Variants in PRDM16 observed in about 807,000 individuals in gnomAD.
PRDM16 encodes the protein histone-lysine N-methyltransferase PRDM16.
PRDM16 carries 23 observed loss-of-function variants against 110.6 expected under a neutral mutation model. The observed-to-expected ratio is 0.21, with a 90% CI of 0.15 to 0.29. PRDM16 has a LOEUF of 0.29. Ranked by LOEUF, PRDM16 falls within the 10% of genes least tolerant of loss-of-function variation. The pLI is 1.00. For missense variants in PRDM16, 1,615 were observed against 1,794.3 expected (o/e 0.90, Z 1.81); for synonymous variants, 799 against 781.8 (o/e 1.02, Z -0.37).
intron 2 of PRDM16, among the ~76,000 whole-genome samples, chr1:3,194,626 C>CGCCACCGTCTCCCCGCCACAT (rs1638411168): frequency 1.4e-5 from 2 of 143,016 alleles, no homozygotes; most frequent in African/African-American, 5.4e-5. Context: ...CCCCACCACA[C>CGCCACCGTCTCCCCGCCACAT]GCCACCGTCT....
chr1:3,161,254 AACAC>A (rs139952356), intron 1 of PRDM16, among the ~76,000 whole-genome samples: 2,108 of 152,250 alleles, frequency 0.014, 49 homozygotes, highest in African/African-American at 0.048. Context: ...CTCACCAGCA[AACAC>A]ACACACACAA....
chr1:3,313,580 T>C (rs1053445654), intron 3 of PRDM16, among the ~76,000 whole-genome samples: 4 of 152,232 alleles, frequency 2.6e-5, no homozygotes, highest in Non-Finnish European at 4.4e-5. Flanking sequence ...CCTTTGGGCC[T>C]GCTCAAGAGT....
chr1:3,164,000 G>C (rs1008373808), intron 1 of PRDM16, among the ~76,000 whole-genome samples: 3 of 152,206 alleles, frequency 2.0e-5, no homozygotes, highest in Non-Finnish European at 4.4e-5. Context: ...CTGCCACCAA[G>C]GCCCTGCTGG....
chr1:3,140,797 G>A (rs953846662), intron 1 of PRDM16, among the ~76,000 whole-genome samples: 25 of 152,338 alleles, frequency 1.6e-4, no homozygotes, highest in East Asian at 5.8e-4. Flanking sequence ...TCCCGCCTCC[G>A]TTTCCGCATC....
rs1024843817 is a variant in PRDM16, at chr1:3,190,062, C to T, written c.387+3588C>T. 6.6e-6 allele frequency among the ~76,000 whole-genome samples: 1 copy of T among 152,124 alleles called. No homozygotes were observed. Among genetic ancestry groups the T allele is most frequent in the African/African-American group, 2.4e-5 (1 of 41,430 alleles). ...TGACTGGGGAGGGTCAGGGGCTCTT[C>T]TCTCCCTGACATGGGGCCGATGTAG... On this transcript the variant is annotated intron_variant, in intron 2 of 16. Transcript: ENST00000270722. The surrounding 1 kb of genome is among the most constrained non-coding windows in gnomAD (Gnocchi z 5.0).
chr1:3,077,742 C>T (rs937122915), intron 1 of PRDM16, among the ~76,000 whole-genome samples: 3 of 152,118 alleles, frequency 2.0e-5, no homozygotes, highest in Non-Finnish European at 4.4e-5. Flanking sequence ...GTGCAGGCTG[C>T]AGGTGCTCAC....
intron 2 of PRDM16, among the ~76,000 whole-genome samples, chr1:3,217,639 C>CA (rs1368286773): frequency 6.6e-6 from 1 of 152,210 alleles, no homozygotes; most frequent in Non-Finnish European, 1.5e-5. Context: ...TGGCTGAGTG[C>CA]ACGCTGTCCA....
chr1:3,412,602 C>A lies in PRDM16; in HGVS notation c.2405C>A (p.Pro802Gln). The stretch of plus-strand genomic sequence containing the variant: ...GCCCCCGCATCCGGCGAGGAGCAGC[C>A]GCTGGACCTGAGCATCGGCAGCCGG... ...PSAPASGEEQ[P>Q]LDLSIGSRAR... Residue 802 changes from proline to glutamine, a missense_variant, in exon 9 of 17, where the codon CCG becomes CAG. By Grantham distance (76) the Pro-to-Gln change is moderately conservative. Transcript: ENST00000270722. 1 of 1,598,030 alleles carries A rather than the reference C, an allele frequency of 6.3e-7. No homozygotes were observed. Among genetic ancestry groups the A allele is most frequent in the Non-Finnish European group, 8.5e-7 (1 of 1,171,774 alleles).
chr1:3,173,622 C>T (rs1021387938), intron 1 of PRDM16, among the ~76,000 whole-genome samples: 5 of 152,222 alleles, frequency 3.3e-5, no homozygotes, highest in East Asian at 1.9e-4. Context: ...GTCTGTGCAG[C>T]GCAGCCAGGC....
At chr1:3,173,216 T>C (rs1569756868) in intron 1 of PRDM16, among the ~76,000 whole-genome samples, 1 of 152,100 alleles carries the variant, frequency 6.6e-6, no homozygotes, top group Admixed American at 6.5e-5. Flanking sequence ...AGGGAAGTGG[T>C]ATATTAACCA....
rs539463150 is a variant in PRDM16 at position 3,190,365 on chromosome 1, C to T, written c.387+3891C>T. On this transcript the variant is annotated intron_variant, in intron 2 of 16. Coordinates refer to ENST00000270722, the MANE Select transcript of PRDM16 (RefSeq NM_022114.4). This position sits in a 1 kb window ranked among gnomAD's most constrained non-coding sequence, Gnocchi z 5.0. Reference sequence around the variant, plus strand: ...TGGGGGTCGGGAGCTGAGTTTCCTCCGGCCTCAGTTGCTGGTCGGAAGCCT... The same window carrying T: ...TGGGGGTCGGGAGCTGAGTTTCCTCTGGCCTCAGTTGCTGGTCGGAAGCCT... Among the ~76,000 whole-genome samples the T allele has an allele frequency of 8.5e-5, 13 of 152,206 alleles. No individual in the cohort carries two copies. Among genetic ancestry groups the T allele is most frequent in the African/African-American group, 1.7e-4 (7 of 41,440 alleles).
chr1:3,188,527 C>T (rs1419029421), intron 2 of PRDM16, among the ~76,000 whole-genome samples: 2 of 152,236 alleles, frequency 1.3e-5, no homozygotes, highest in Non-Finnish European at 2.9e-5. Context: ...CGGCGCACCT[C>T]CCGTTTCTGC....
chr1:3,258,738 G>C (rs1640100085), intron 3 of PRDM16, among the ~76,000 whole-genome samples: 1 of 152,196 alleles, frequency 6.6e-6, no homozygotes, highest in South Asian at 2.1e-4. Flanking sequence ...GATATTTGGA[G>C]AAAAAAGCAT....
At chr1:3,144,300 C>G (rs1643605091) in intron 1 of PRDM16, among the ~76,000 whole-genome samples, 1 of 152,212 alleles carries the variant, frequency 6.6e-6, no homozygotes. Context: ...GAGGCGCCGG[C>G]CATCCCTCGG....
chr1:3,140,326 A>G (rs1011323136), intron 1 of PRDM16, among the ~76,000 whole-genome samples: 1 of 152,066 alleles, frequency 6.6e-6, no homozygotes, highest in African/African-American at 2.4e-5. Context: ...TCTGCACTGT[A>G]GCCTTCTGAG....
intron 1 of PRDM16, among the ~76,000 whole-genome samples, chr1:3,141,700 G>A (rs1025792879): frequency 1.3e-5 from 2 of 152,226 alleles, no homozygotes; most frequent in African/African-American, 4.8e-5. Flanking sequence ...TTGTGGAAAT[G>A]GCCTTCTTCT....
At chr1:3,113,413 G>T (rs911919229) in intron 1 of PRDM16, among the ~76,000 whole-genome samples, 5 of 151,996 alleles carry the variant, frequency 3.3e-5, no homozygotes, top group African/African-American at 1.2e-4. Context: ...GCAGGGGAGG[G>T]CGTGGGGATG....
At chr1:3,253,211 A>G (rs1448820873) in intron 3 of PRDM16, among the ~76,000 whole-genome samples, 2 of 151,702 alleles carry the variant, frequency 1.3e-5, no homozygotes, top group Admixed American at 1.3e-4. Flanking sequence ...TAATTTAATT[A>G]TTATTATTAT....
At chr1:3,313,287 C>T (rs1026878078) in intron 3 of PRDM16, among the ~76,000 whole-genome samples, 2 of 152,250 alleles carry the variant, frequency 1.3e-5, no homozygotes, top group Non-Finnish European at 2.9e-5. Flanking sequence ...TGGAGCCCCA[C>T]TCGCCGTCAC....
Sources: allele counts gnomAD v4.1 joint callset (sites outside exome capture counted in the v4.1 genomes callset), GRCh38; gene constraint gnomAD v4.1.1; non-coding constraint Gnocchi (gnomAD v3.1); transcripts MANE v1.5; gene names NCBI Gene and HGNC (gene_info 2026-07-23, HGNC 2026-07-21).